ALDOB: variants seen among roughly 807,000 people sequenced by gnomAD.
ALDOB encodes aldolase, fructose-bisphosphate B, also known as fructose-bisphosphate aldolase B.
Under a neutral mutation model 41.0 loss-of-function variants are expected in ALDOB, and 39 were observed. The ratio of observed to expected loss-of-function variants is 0.95; its 90% CI spans 0.74 to 1.24. ALDOB has a LOEUF of 1.24. ALDOB is among the 50% of genes most tolerant of loss of function. ALDOB has a pLI of 0.00. For missense variants in ALDOB, 530 were observed against 457.3 expected, an observed-to-expected ratio of 1.16 and a Z score of -1.45; for synonymous variants, 175 against 168.8, an observed-to-expected ratio of 1.04 and a Z score of -0.28.
chr9:101,423,931 G>A (rs1305814325), intron 8 of ALDOB, among the ~76,000 whole-genome samples: 2 of 152,136 alleles, frequency 1.3e-5, no homozygotes, highest in African/African-American at 4.8e-5. Context: ...TAAAAACTTT[G>A]TTGGTCCTCA....
chr9:101,432,239 C>A (rs565945539), intron 1 of ALDOB, among the ~76,000 whole-genome samples: 11 of 152,268 alleles, frequency 7.2e-5, no homozygotes, highest in South Asian at 4.2e-4. Context: ...TCTTGTCTTA[C>A]CCCAAAAGAA....
In ALDOB at chr9:101,427,496, T is replaced by C; in HGVS notation, c.526A>G (p.Ser176Gly). ...AGGCAGAGCACCTGCTGACAGATGC[T>C]GGCGTAGCGAGCCAGGGCGTTGGCG... ...ENANALARYASICQQNGLVPI... is the reference protein window; with the variant it reads ...ENANALARYAGICQQNGLVPI... The change falls in exon 5 of 9, where the codon AGC becomes GGC. Residue 176 changes from serine (S) to glycine (G), a missense_variant. Transcript: ENST00000647789. The C allele has an allele frequency of 6.2e-7, 1 of 1,614,198 alleles. No individual in the cohort carries two copies. Among genetic ancestry groups the C allele is most frequent in the Non-Finnish European group, 8.5e-7 (1 of 1,180,032 alleles).
At chr9:101,432,973 T>G (rs1831242371) in intron 1 of ALDOB, among the ~76,000 whole-genome samples, 1 of 152,174 alleles carries the variant, frequency 6.6e-6, no homozygotes, top group Non-Finnish European at 1.5e-5. Flanking sequence ...ACAGACCTAG[T>G]TTTAAGAACC....
chr9:101,426,536 C>G lies in ALDOB; in HGVS notation c.624+19G>C. 6.5e-7 allele frequency: 1 copy of G among 1,535,236 alleles called. No individual in the cohort carries two copies. The highest frequency in any genetic ancestry group is 9.0e-7 in the Non-Finnish European group (1 of 1,108,104). On this transcript the variant is annotated intron_variant, in intron 6 of 8. Transcript: ENST00000647789. ...AAGATTTTTCAACTAGAATTGGGGC[C>G]TTCATATTTAAAACTTACCTTCTCA... is the stretch of plus-strand genomic sequence containing the variant.
At chr9:101,421,955 C>T (rs1488793611) in intron 8 of ALDOB, 51 bp from the exon 9 acceptor site, 1 of 1,480,608 alleles carries the variant, frequency 6.8e-7, no homozygotes, top group Non-Finnish European at 9.4e-7. Flanking sequence ...TGTGACCCCA[C>T]CTTGACCCTG....
chr9:101,428,630 T>A, intron 3 of ALDOB, 107 bp from the exon 4 acceptor site: 1 of 988,082 alleles, frequency 1.0e-6, no homozygotes, highest in Non-Finnish European at 1.6e-6. Context: ...GTTGAATTAG[T>A]AAAGTGTATT....
chr9:101,426,742 T>C (rs923559630), intron 5 of ALDOB, 104 bp from the exon 6 acceptor site: 25 of 774,078 alleles, frequency 3.2e-5, no homozygotes, highest in Admixed American at 5.6e-5. Flanking sequence ...GAAGCCATTA[T>C]GGAGAAATAC....
rs1831100000 is a variant in ALDOB at position 101,424,864 on chromosome 9, C to T, written c.978G>A (p.Glu326=). Residue 326 remains glutamate, a synonymous_variant, in exon 8 of 9, where the codon GAG becomes GAA. Transcript: ENST00000647789. ...GKAANKEATQ[E]AFMKRAMANC... is the part of the protein sequence containing the mutation. ...TTACCATGGCCCGCTTCATAAAAGC[C>T]TCCTGGGTTGCCTCCTTGTTTGCAG... is the stretch of plus-strand genomic sequence containing the variant. 2 of 1,613,382 alleles carry T rather than the reference C, an allele frequency of 1.2e-6. No individual in the cohort carries two copies. The highest frequency in any genetic ancestry group is 1.7e-6 in the Non-Finnish European group (2 of 1,180,042).
intron 8 of ALDOB, among the ~76,000 whole-genome samples, chr9:101,424,115 G>A (rs534677180): frequency 6.6e-6 from 1 of 152,002 alleles, no homozygotes; most frequent in African/African-American, 2.4e-5. Flanking sequence ...GTTATTATTG[G>A]CCCTTTGAAA....
At chr9:101,426,014 G>A (rs1831124654) in intron 6 of ALDOB, among the ~76,000 whole-genome samples, 1 of 152,134 alleles carries the variant, frequency 6.6e-6, no homozygotes, top group African/African-American at 2.4e-5. Context: ...TACAGAAGCT[G>A]AGTAGTCATA....
In ALDOB at chr9:101,430,006, A is replaced by G. The variant is rs758598160; in HGVS notation, c.113-40T>C. On this transcript the variant is annotated intron_variant, in intron 2 of 8. Coordinates refer to ENST00000647789, the MANE Select transcript of ALDOB (RefSeq NM_000035.4). ...CCAAGGGCAGCATAAGGAGCAAGCC[A>G]GGGCTTTCCTGTCACCCTTCTCCAC... The G allele has an allele frequency of 1.5e-5, 24 of 1,565,894 alleles. 1 individual carries two copies. In the South Asian group the frequency reaches 2.2e-4, roughly 14 times the overall value.
In ALDOB at chr9:101,427,422, G is replaced by T. The variant is rs1233103594; in HGVS notation, c.540+60C>A. On this transcript the variant is annotated intron_variant, in intron 5 of 8. Transcript: ENST00000647789. The stretch of plus-strand genomic sequence containing the variant: ...TTTGTAGTTATAGTATAATTGAAAA[G>T]AAAAGCTCTGAAGAAAACTCTAGCC... The T allele has an allele frequency of 5.0e-6, 8 of 1,595,380 alleles. No individual in the cohort carries two copies. The East Asian group carries it at 1.1e-4, about 22-fold the overall frequency.
chr9:101,426,186 A>G (rs1368342902), intron 6 of ALDOB, among the ~76,000 whole-genome samples: 1 of 152,178 alleles, frequency 6.6e-6, no homozygotes, highest in East Asian at 1.9e-4. Context: ...CTAATTTAGA[A>G]AGTCAGATGG....
chr9:101,425,134 C>T (rs1831106074), intron 7 of ALDOB, 92 bp from the exon 8 acceptor site: 1 of 1,410,200 alleles, frequency 7.1e-7, no homozygotes, highest in East Asian at 2.3e-5. Flanking sequence ...AAAGTAATGT[C>T]TCAGTCTTTT....
Position 101,427,478 on chromosome 9 carries a change from G to A in ALDOB, c.540+4C>T, listed in dbSNP as rs1831147788. 2.5e-6 allele frequency: 4 copies of A among 1,614,060 alleles called. No homozygotes were observed. The highest frequency in any genetic ancestry group is 1.3e-5 in the African/African-American group (1 of 74,942). On this transcript the variant is annotated splice_donor_region_variant and intron_variant, in intron 5 of 8. Coordinates refer to ENST00000647789, the MANE Select transcript of ALDOB (RefSeq NM_000035.4). ...TTTTTCAGCCCAAGGGGAAGGCAGA[G>A]CACCTGCTGACAGATGCTGGCGTAG...
At chr9:101,431,092 G>A (rs1831213292) in intron 1 of ALDOB, among the ~76,000 whole-genome samples, 195 bp from the exon 2 acceptor site, 1 of 152,216 alleles carries the variant, frequency 6.6e-6, no homozygotes, top group African/African-American at 2.4e-5. Context: ...AATGAATGAA[G>A]GTGGGTTACT....
intron 5 of ALDOB, 42 bp downstream of exon 5, chr9:101,427,439 AC>A (rs1369838863): frequency 2.5e-6 from 4 of 1,611,336 alleles, no homozygotes; most frequent in Admixed American, 3.3e-5. Context: ...TCTGAAGAAA[AC>A]TCTAGCCTAC....
intron 8 of ALDOB, among the ~76,000 whole-genome samples, chr9:101,423,037 A>G (rs778483953): frequency 1.3e-5 from 2 of 152,166 alleles, no homozygotes; most frequent in African/African-American, 4.8e-5. Context: ...CTGCGCTTTC[A>G]CAATCCCTCC....
In ALDOB at chr9:101,425,548, G is replaced by A. The variant is rs1211570459; in HGVS notation, c.704C>T (p.Thr235Ile). ...EGTLLKPNMV[T>I]AGHACTKKYT... is the part of the protein sequence containing the mutation. ...CTTCTTGGTGCAGGCATGTCCAGCA[G>A]TCACCATGTTGGGCTTTAGCAGGGT... Residue 235 changes from threonine (T) to isoleucine (I), a missense_variant, in exon 7 of 9, where the codon ACT (threonine) becomes ATT (isoleucine). Coordinates refer to ENST00000647789, the MANE Select transcript of ALDOB (RefSeq NM_000035.4). 2.5e-6 allele frequency: 4 copies of A among 1,614,028 alleles called. No individual in the cohort carries two copies. Among genetic ancestry groups the A allele is most frequent in the East Asian group, 2.2e-5 (1 of 44,876 alleles).
Sources: allele counts gnomAD v4.1 joint callset (sites outside exome capture counted in the v4.1 genomes callset), GRCh38; gene constraint gnomAD v4.1.1; transcripts MANE v1.5; gene names NCBI Gene and HGNC (gene_info 2026-07-23, HGNC 2026-07-21).